Variants in HSPA12A observed in about 807,000 individuals in gnomAD.
The protein encoded by HSPA12A is heat shock 70 kDa protein 12A.
HSPA12A carries 28 observed loss-of-function variants against 69.2 expected under a neutral mutation model. That is an observed-to-expected ratio of 0.40 (90% CI 0.30 to 0.55). HSPA12A has a LOEUF of 0.55. Ranked by LOEUF, HSPA12A falls within the 20% of genes least tolerant of loss-of-function variation. HSPA12A has a pLI of 0.38. For synonymous variants in HSPA12A, 345 were observed against 370.5 expected (o/e 0.93, Z 0.79); for missense variants, 686 against 900.7 (o/e 0.76, Z 3.05).
chr10:116,844,636 A>G (rs1845850530), intron 1 of HSPA12A, among the ~76,000 whole-genome samples: 1 of 152,152 alleles, frequency 6.6e-6, no homozygotes, highest in African/African-American at 2.4e-5. Context: ...TCTTCCATCT[A>G]TTGTCTCTAG....
At chr10:116,755,864 A>T (rs1339740579) in intron 2 of HSPA12A, among the ~76,000 whole-genome samples, 2 of 151,626 alleles carry the variant, frequency 1.3e-5, no homozygotes, top group Admixed American at 1.3e-4. Context: ...GGTGGGGCAC[A>T]TCTGTAGTCA....
At chr10:116,755,256 C>T (rs1554888647) in intron 2 of HSPA12A, among the ~76,000 whole-genome samples, 12 of 152,022 alleles carry the variant, frequency 7.9e-5, no homozygotes. Flanking sequence ...CTTGGCCTAT[C>T]CATGTATTTT....
chr10:116,731,975 G>A (rs1471407857), intron 1 of HSPA12A, among the ~76,000 whole-genome samples: 1 of 152,130 alleles, frequency 6.6e-6, no homozygotes, highest in Non-Finnish European at 1.5e-5. Flanking sequence ...CCTAAAGATG[G>A]GAAGCAATCC....
At chr10:116,839,548 C>T (rs1589735090) in intron 1 of HSPA12A, among the ~76,000 whole-genome samples, 1 of 137,504 alleles carries the variant, frequency 7.3e-6, no homozygotes, top group Non-Finnish European at 1.5e-5. Flanking sequence ...AAGAGATGCA[C>T]TTTAGTAATC....
At chr10:116,783,456 T>C (rs1222574130) in intron 2 of HSPA12A, among the ~76,000 whole-genome samples, 1 of 152,142 alleles carries the variant, frequency 6.6e-6, no homozygotes, top group African/African-American at 2.4e-5. Flanking sequence ...ACTGAATGAA[T>C]GAGCGTGTGG....
intron 3 of HSPA12A, among the ~76,000 whole-genome samples, 186 bp downstream of exon 3, chr10:116,704,965 C>G (rs1034179595): frequency 3.3e-5 from 5 of 152,220 alleles, no homozygotes; most frequent in Admixed American, 2.0e-4. Flanking sequence ...AACGTCTTTT[C>G]AAACCAGGAG....
chr10:116,819,220 C>T (rs1288931055), intron 2 of HSPA12A, among the ~76,000 whole-genome samples: 1 of 152,182 alleles, frequency 6.6e-6, no homozygotes, highest in African/African-American at 2.4e-5. Flanking sequence ...AAATGCCCAT[C>T]ATCCAGTTGA....
At chr10:116,757,406 C>T (rs75218922) in intron 2 of HSPA12A, among the ~76,000 whole-genome samples, 3 of 152,260 alleles carry the variant, frequency 2.0e-5, no homozygotes, top group African/African-American at 2.4e-5. Flanking sequence ...CCATGTAGGG[C>T]GACGCTGAGT....
At chr10:116,679,401 T>G in intron 10 of HSPA12A, 102 bp downstream of exon 10, 1 of 1,400,298 alleles carries the variant, frequency 7.1e-7, no homozygotes, top group Non-Finnish European at 9.9e-7. Flanking sequence ...ATACAGCAAG[T>G]GTGTAGGATT....
Position 116,828,367 on chromosome 10 carries a change from G to A in HSPA12A, c.91+6568C>T, listed in dbSNP as rs764702272. On this transcript the variant is annotated intron_variant, in intron 2 of 12. Coordinates refer to the HSPA12A transcript ENST00000635765. ...CTCCTGGCCTGTGGTAGACAGGCAG[G>A]AAGGACATGGCTGCGAGGCATGGCC... 5.3e-5 allele frequency among the ~76,000 whole-genome samples: 8 copies of A among 152,274 alleles called. No individual in the cohort carries two copies. The South Asian group carries it at 1.0e-3, about 20-fold the overall frequency.
chr10:116,773,863 G>A (rs989309808), intron 2 of HSPA12A, among the ~76,000 whole-genome samples: 3 of 152,172 alleles, frequency 2.0e-5, no homozygotes, highest in Non-Finnish European at 4.4e-5. Context: ...TCATGGTGAC[G>A]GGGTGGAGGA....
chr10:116,780,530 AT>A (rs869307381), intron 2 of HSPA12A, among the ~76,000 whole-genome samples: 4 of 12,564 alleles, frequency 3.2e-4, no homozygotes, highest in African/African-American at 7.1e-4. Context: ...TTTTTGATTT[AT>A]TTTATTTTAT....
At chr10:116,778,255 AG>A (rs1455088605) in intron 2 of HSPA12A, among the ~76,000 whole-genome samples, 1 of 152,208 alleles carries the variant, frequency 6.6e-6, no homozygotes, top group East Asian at 1.9e-4. Flanking sequence ...GATTGCTAGT[AG>A]GTTTTTTCTT....
chr10:116,754,086 C>T (rs1843770076), intron 2 of HSPA12A, among the ~76,000 whole-genome samples: 1 of 152,184 alleles, frequency 6.6e-6, no homozygotes, highest in Admixed American at 6.5e-5. Context: ...CAGCTATGAG[C>T]AATTTAGTCA....
intron 2 of HSPA12A, chr10:116,750,549 ATGCTT>A: frequency 2.6e-6 from 1 of 381,748 alleles, no homozygotes; most frequent in Non-Finnish European, 5.0e-6. Flanking sequence ...GAAGATGAAG[ATGCTT>A]ACAAAAAACA....
Position 116,790,339 on chromosome 10 carries a change from G to A in HSPA12A, c.91+44596C>T, listed in dbSNP as rs548753074. Among the ~76,000 whole-genome samples, 6 of 151,902 alleles carry A rather than the reference G, an allele frequency of 3.9e-5. No homozygotes were observed. The East Asian group carries it at 7.8e-4, about 20-fold the overall frequency. ...AGGATGGTCTCTATCTCCTGACCTC[G>A]TGATCCGCCTGCCTCAGCCTCCCAA... On this transcript the variant is annotated intron_variant, in intron 2 of 12. Coordinates refer to the HSPA12A transcript ENST00000635765.
chr10:116,791,276 T>C (rs1844696043), intron 2 of HSPA12A, among the ~76,000 whole-genome samples: 1 of 152,246 alleles, frequency 6.6e-6, no homozygotes, highest in Non-Finnish European at 1.5e-5. Flanking sequence ...AGGTCAGATG[T>C]GTTTAAAGCA....
chr10:116,776,386 T>C (rs960886947), intron 2 of HSPA12A, among the ~76,000 whole-genome samples: 1 of 152,258 alleles, frequency 6.6e-6, no homozygotes, highest in Non-Finnish European at 1.5e-5. Context: ...CCTTCCTGTC[T>C]CCCAGGAACT....
At chr10:116,849,905 A>G (rs896587493), upstream of HSPA12A, 8 of 774,250 alleles carry the variant, frequency 1.0e-5, no homozygotes, top group African/African-American at 8.6e-5. Context: ...AAGGACACCC[A>G]GGGGTGAAGG....
Sources: gnomAD v4.1 joint callset for allele counts (sites outside exome capture counted in the v4.1 genomes callset) on GRCh38, gnomAD v4.1.1 for gene constraint, MANE v1.5 for transcripts, NCBI Gene and HGNC (gene_info 2026-07-23, HGNC 2026-07-21) for gene names.